The following VRK1 variants were observed in gnomAD, a reference collection of about 807,000 sequenced individuals.
The protein encoded by VRK1 is VRK serine/threonine kinase 1.
In VRK1, 33 loss-of-function variants were observed where a neutral mutation model predicts 57.1. That is an observed-to-expected ratio of 0.58 (90% CI 0.44 to 0.77). The LOEUF (loss-of-function observed/expected upper bound fraction) is 0.77, where lower values mean the gene tolerates loss of function less well. Ranked by LOEUF, VRK1 falls within the 30% of genes least tolerant of loss-of-function variation. VRK1 has a pLI of 0.00. For missense variants in VRK1, 413 were observed against 477.3 expected (o/e 0.87, Z 1.25); for synonymous variants, 137 against 147.8 (o/e 0.93, Z 0.53).
At chr14:96,856,422 A>G in intron 9 of VRK1, 106 bp from the exon 10 acceptor site, 1 of 1,349,442 alleles carries the variant, frequency 7.4e-7, no homozygotes, top group South Asian at 1.3e-5. Context: ...AATGTCTGTA[A>G]GCATATTTAG....
chr14:96,849,458 A>AC (rs1170319732), intron 5 of VRK1, among the ~76,000 whole-genome samples: 1 of 152,066 alleles, frequency 6.6e-6, no homozygotes, highest in African/African-American at 2.4e-5. Flanking sequence ...TAAAAAAAAA[A>AC]AACCAAGCAC....
chr14:96,847,639 C>T (rs1056619409), intron 5 of VRK1, among the ~76,000 whole-genome samples: 2 of 150,946 alleles, frequency 1.3e-5, no homozygotes, highest in African/African-American at 4.9e-5. Flanking sequence ...AAACACCCTG[C>T]CTTTTTTTCC....
At chr14:96,810,903 T>A (rs1291549947) in intron 1 of VRK1, among the ~76,000 whole-genome samples, 1 of 151,896 alleles carries the variant, frequency 6.6e-6, no homozygotes, top group Non-Finnish European at 1.5e-5. Context: ...ATTGATCACG[T>A]TGGCAAGTCC....
intron 7 of VRK1, 54 bp from the exon 8 acceptor site, chr14:96,855,170 T>C (rs1888102063): frequency 6.2e-7 from 1 of 1,613,108 alleles, no homozygotes; most frequent in Admixed American, 1.7e-5. Flanking sequence ...CTTTAAAGGG[T>C]TATATGTGCA....
chr14:96,827,384 G>GT (rs1161974584), intron 1 of VRK1, among the ~76,000 whole-genome samples: 1 of 152,070 alleles, frequency 6.6e-6, no homozygotes, highest in African/African-American at 2.4e-5. Flanking sequence ...CCATGTGCTT[G>GT]TTTTTTTGTT....
At chr14:96,805,988 T>C (rs988854461) in intron 1 of VRK1, among the ~76,000 whole-genome samples, 12 of 147,200 alleles carry the variant, frequency 8.2e-5, no homozygotes, top group Non-Finnish European at 1.6e-4. Context: ...ATTTTTCTTT[T>C]TTTTTTTTTT....
chr14:96,876,028 A>G lies in VRK1; in HGVS notation c.1069-2A>G. On this transcript the variant is annotated splice_acceptor_variant, in intron 11 of 12. Transcript: ENST00000216639. LOFTEE classifies it high-confidence loss of function. ...CTCTCTCTCTTTAATTTTATATGTA[A>G]GAAGCGAAAGAAAGAAATTGAAGAA... 7.4e-6 allele frequency: 12 copies of G among 1,612,804 alleles called. No individual in the cohort carries two copies. Among genetic ancestry groups the G allele is most frequent in the Non-Finnish European group, 1.0e-5 (12 of 1,179,252 alleles).
intron 12 of VRK1, among the ~76,000 whole-genome samples, chr14:96,879,300 A>G (rs1889162084): frequency 6.6e-6 from 1 of 152,182 alleles, no homozygotes; most frequent in Non-Finnish European, 1.5e-5. Flanking sequence ...TGATTTATGC[A>G]GCAAAGTCAA....
chr14:96,856,281 A>G, intron 9 of VRK1, 31 bp downstream of exon 9: 1 of 1,608,824 alleles, frequency 6.2e-7, no homozygotes, highest in Non-Finnish European at 8.5e-7. Flanking sequence ...TTTCTAGCAA[A>G]ATCATGATAA....
At chr14:96,797,735 C>G (rs1262984143) in intron 1 of VRK1, among the ~76,000 whole-genome samples, 1 of 152,182 alleles carries the variant, frequency 6.6e-6, no homozygotes, top group African/African-American at 2.4e-5. Flanking sequence ...ACGTTCTGGA[C>G]GCGCGTGGTG....
At chr14:96,834,827 A>T (rs938786985) in intron 2 of VRK1, among the ~76,000 whole-genome samples, 6 of 152,184 alleles carry the variant, frequency 3.9e-5, no homozygotes, top group Admixed American at 2.0e-4. Flanking sequence ...TAGTGGCTGT[A>T]TTAGCCAGGT....
chr14:96,843,922 T>G (rs1566702691), intron 3 of VRK1, among the ~76,000 whole-genome samples: 1 of 152,184 alleles, frequency 6.6e-6, no homozygotes. Flanking sequence ...TTTATATGGT[T>G]GATTCTCATT....
rs566987608 is a variant in VRK1, at chr14:96,809,570, C to CTT, written c.-6+12140_-6+12141dup. ...TCTAGCTTGCTTGCTTGCTTGCTTT[C>CTT]TTTTTTTTTTTTTTTTTTCTGAAAC... On this transcript the variant is annotated intron_variant, in intron 1 of 12. Transcript: ENST00000216639. Among the ~76,000 whole-genome samples the CTT allele has an allele frequency of 2.7e-4, 35 of 128,522 alleles. 1 individual carries two copies. The highest frequency in any genetic ancestry group is 5.0e-4 in the South Asian group (2 of 4,024). 84.3% of individuals were successfully genotyped at this position (128,522 alleles called of 152,430 possible).
chr14:96,799,118 A>G (rs912572531), intron 1 of VRK1, among the ~76,000 whole-genome samples: 1 of 152,198 alleles, frequency 6.6e-6, no homozygotes, highest in Non-Finnish European at 1.5e-5. Context: ...TTATGAGAGG[A>G]TATTTGTTAA....
At chr14:96,831,838 T>C (rs2139744390) in intron 1 of VRK1, among the ~76,000 whole-genome samples, 1 of 152,294 alleles carries the variant, frequency 6.6e-6, no homozygotes, top group Non-Finnish European at 1.5e-5. Context: ...GGCATCTGTT[T>C]TAATATTTGG....
chr14:96,839,781 C>T (rs773554799), intron 3 of VRK1, among the ~76,000 whole-genome samples: 42 of 151,984 alleles, frequency 2.8e-4, no homozygotes, highest in Non-Finnish European at 4.0e-4. Flanking sequence ...TTTTCAGATA[C>T]GTGTTTTAAA....
At chr14:96,875,673 G>A (rs114905051) in intron 11 of VRK1, among the ~76,000 whole-genome samples, 3 of 152,104 alleles carry the variant, frequency 2.0e-5, no homozygotes, top group Admixed American at 6.5e-5. Flanking sequence ...AGTGGTGATC[G>A]TGAGTTTGTA....
intron 1 of VRK1, among the ~76,000 whole-genome samples, chr14:96,802,745 G>A (rs1168128062): frequency 6.6e-6 from 1 of 152,168 alleles, no homozygotes; most frequent in Non-Finnish European, 1.5e-5. Flanking sequence ...TATTGTATTA[G>A]TGTCACTTTC....
intron 11 of VRK1, among the ~76,000 whole-genome samples, chr14:96,868,016 G>GT (rs1297430612): frequency 6.6e-6 from 1 of 151,940 alleles, no homozygotes; most frequent in Non-Finnish European, 1.5e-5. Flanking sequence ...ATCTAGTCAT[G>GT]TTTTTTGTTG....
Sources: allele counts gnomAD v4.1 joint callset (sites outside exome capture counted in the v4.1 genomes callset), GRCh38; gene constraint gnomAD v4.1.1; transcripts MANE v1.5; gene names NCBI Gene and HGNC (gene_info 2026-07-23, HGNC 2026-07-21).